The following FAAH2 variants were observed in gnomAD, a reference collection of about 807,000 sequenced individuals.
FAAH2 encodes fatty acid amide hydrolase 2, also known as fatty-acid amide hydrolase 2.
FAAH2 carries 60 observed loss-of-function variants against 36.9 expected under a neutral mutation model. The observed-to-expected ratio is 1.63, with a 90% CI of 1.32 to 2.02. The LOEUF (loss-of-function observed/expected upper bound fraction) is 2.02, where lower values mean the gene tolerates loss of function less well. FAAH2 is among the 30% of genes most tolerant of loss of function. The pLI, the probability that FAAH2 is intolerant of heterozygous loss-of-function variation, is 0.00. For synonymous variants in FAAH2, 214 were observed against 143.8 expected, an observed-to-expected ratio of 1.49 and a Z score of -3.49; for missense variants, 689 against 397.5, an observed-to-expected ratio of 1.73 and a Z score of -6.23.
intron 7 of FAAH2, chrX:57,381,522 C>G (rs1260409788): frequency 1.5e-6 from 1 of 677,989 alleles, no homozygotes; most frequent in African/African-American, 2.4e-5. Flanking sequence ...AATTTTTAAA[C>G]TACTATTCAA....
intron 8 of FAAH2, among the ~76,000 whole-genome samples, chrX:57,439,315 C>T (rs1210575460): frequency 9.0e-6 from 1 of 111,188 alleles, no homozygotes; most frequent in African/African-American, 3.3e-5. Context: ...GAGATGGTAT[C>T]TCATTGTGGT....
At chrX:57,419,841 T>A (rs1292261110) in intron 7 of FAAH2, among the ~76,000 whole-genome samples, 1 of 112,158 alleles carries the variant, frequency 8.9e-6, no homozygotes, top group Non-Finnish European at 1.9e-5. Context: ...CTAGGGTTTT[T>A]ATGGTTTTAG....
intron 3 of FAAH2, among the ~76,000 whole-genome samples, chrX:57,327,524 A>T (rs2053253378): frequency 9.1e-6 from 1 of 109,451 alleles, no homozygotes; most frequent in Non-Finnish European, 1.9e-5. Flanking sequence ...TATTTCTTGG[A>T]TGCTGGTTCA....
At position 57,476,111 on chromosome X, in the gene FAAH2, T is replaced by A. The variant is rs926235646; in HGVS notation, c.1424-12646T>A. Among the ~76,000 whole-genome samples, 82 of 111,519 alleles carry A rather than the reference T, an allele frequency of 7.4e-4. 1 individual carries two copies. Among genetic ancestry groups the A allele is most frequent in the African/African-American group, 2.6e-3 (80 of 30,649 alleles). On this transcript the variant is annotated intron_variant, in intron 10 of 10. Transcript: ENST00000374900. ...GAGTTTTTGAGCTGAGACAATTAAG[T>A]TTTCTAAATATACAATAACGTCATC... is the stretch of plus-strand genomic sequence containing the variant.
the FAAH2 span, among the ~76,000 whole-genome samples, chrX:57,184,555 C>G: frequency 8.9e-6 from 1 of 112,571 alleles, no homozygotes; most frequent in Non-Finnish European, 1.9e-5. Context: ...GGGGATATCA[C>G]TATAGCCCTG....
intron 7 of FAAH2, chrX:57,392,684 C>G (rs1026389460): frequency 3.1e-6 from 2 of 645,160 alleles, no homozygotes; most frequent in Non-Finnish European, 5.2e-6. Flanking sequence ...GGGTCCAAAT[C>G]AGTATCATAA....
the FAAH2 span, among the ~76,000 whole-genome samples, chrX:57,178,248 T>G: frequency 2.7e-5 from 3 of 112,229 alleles, no homozygotes; most frequent in Admixed American, 2.8e-4. Context: ...ACTGGGCACA[T>G]GGACAGACTC....
rs192903226 is a variant in FAAH2, at chrX:57,361,667, A to T, written c.743-16984A>T. ...AGAAGATATGTGATATTATATATAT[A>T]TTTTTTTAAATTGTAAGACTTTCTT... On this transcript the variant is annotated intron_variant, in intron 5 of 10. Coordinates refer to ENST00000374900, the MANE Select transcript of FAAH2 (RefSeq NM_174912.4). Among the ~76,000 whole-genome samples the T allele has an allele frequency of 1.5e-3, 162 of 111,141 alleles. 1 individual carries two copies. The highest frequency in any genetic ancestry group is 7.1e-3 in the East Asian group (25 of 3,545).
chrX:57,428,199 A>G (rs1334563633), intron 7 of FAAH2, among the ~76,000 whole-genome samples: 1 of 112,218 alleles, frequency 8.9e-6, no homozygotes, highest in Non-Finnish European at 1.9e-5. Context: ...GAAGTGAAAA[A>G]TACCTACAAG....
chrX:57,259,820 C>T, the FAAH2 span, among the ~76,000 whole-genome samples: 3 of 111,645 alleles, frequency 2.7e-5, no homozygotes, highest in East Asian at 8.4e-4. Context: ...TGTATTTGTT[C>T]ATTATACCTT....
the FAAH2 span, among the ~76,000 whole-genome samples, chrX:57,185,890 A>T: frequency 3.6e-5 from 4 of 111,522 alleles, no homozygotes; most frequent in African/African-American, 1.3e-4. Context: ...CATAAAGGAC[A>T]TGAACTCATT....
intron 5 of FAAH2, among the ~76,000 whole-genome samples, chrX:57,348,991 G>T (rs1265659542): frequency 9.6e-6 from 1 of 103,777 alleles, no homozygotes; most frequent in African/African-American, 3.5e-5. Context: ...GACGCTCAGT[G>T]AGATGCAAGA....
chrX:57,217,838 G>A, the FAAH2 span, among the ~76,000 whole-genome samples: 4 of 111,857 alleles, frequency 3.6e-5, no homozygotes, highest in African/African-American at 9.8e-5. Flanking sequence ...GTATTTTGAT[G>A]GAGATTGCAT....
chrX:57,185,602 A>C, the FAAH2 span, among the ~76,000 whole-genome samples: 1 of 109,381 alleles, frequency 9.1e-6, no homozygotes, highest in Non-Finnish European at 1.9e-5. Flanking sequence ...CAGGTTTGTT[A>C]CATAAGTATA....
chrX:57,320,068 A>G (rs1014464782), intron 3 of FAAH2, among the ~76,000 whole-genome samples: 3 of 112,233 alleles, frequency 2.7e-5, no homozygotes, highest in African/African-American at 9.7e-5. Flanking sequence ...AAAACCCTAG[A>G]AGGAAACCTA....
chrX:57,238,940 A>G, the FAAH2 span, among the ~76,000 whole-genome samples: 5 of 112,230 alleles, frequency 4.5e-5, no homozygotes, highest in Admixed American at 9.5e-5. Flanking sequence ...CTCCAGTTGT[A>G]TCCATTTCAC....
intron 7 of FAAH2, among the ~76,000 whole-genome samples, chrX:57,415,191 C>T (rs190538315): frequency 5.7e-4 from 63 of 109,650 alleles, no homozygotes; most frequent in South Asian, 3.9e-3. Context: ...CTCCTGGATT[C>T]GTTGATTTTT....
chrX:57,242,239 G>A, the FAAH2 span, among the ~76,000 whole-genome samples: 1 of 112,233 alleles, frequency 8.9e-6, no homozygotes, highest in East Asian at 2.8e-4. Flanking sequence ...GCCTCTCTGA[G>A]ACAAAGCTTC....
At position 57,322,967 on chromosome X, in the gene FAAH2, A is replaced by G. The variant is rs538329067; in HGVS notation, c.413-8631A>G. Among the ~76,000 whole-genome samples the G allele has an allele frequency of 7.9e-4, 87 of 110,626 alleles. 5 individuals are homozygous for G. In the South Asian group the frequency reaches 0.033, roughly 42 times the overall value. ...CATTTAATATTAGGTATATCCCCTA[A>G]TGCTATCCTTCCCCACTTTCCCCAC... On this transcript the variant is annotated intron_variant, in intron 3 of 10. Transcript: ENST00000374900.
Sources: gnomAD v4.1 joint callset for allele counts (sites outside exome capture counted in the v4.1 genomes callset) on GRCh38, gnomAD v4.1.1 for gene constraint, MANE v1.5 for transcripts, NCBI Gene and HGNC (gene_info 2026-07-23, HGNC 2026-07-21) for gene names.